MAGI2: variants seen among roughly 807,000 people sequenced by gnomAD.
MAGI2 encodes membrane associated guanylate kinase, WW and PDZ domain containing 2, also known as membrane-associated guanylate kinase, WW and PDZ domain-containing protein 2.
MAGI2 carries 35 observed loss-of-function variants against 133.3 expected under a neutral mutation model. The observed-to-expected ratio is 0.26, with a 90% confidence interval of 0.20 to 0.35. The LOEUF is 0.35. MAGI2 is among the 10% of genes least tolerant of loss of function. MAGI2 has a pLI of 1.00. For synonymous variants in MAGI2, 729 were observed against 710.6 expected (o/e 1.03, Z -0.41); for missense variants, 1,636 against 1,863.4 (o/e 0.88, Z 2.25).
At chr7:78,576,841 G>A (rs778839288) in intron 3 of MAGI2, among the ~76,000 whole-genome samples, 1 of 152,178 alleles carries the variant, frequency 6.6e-6, no homozygotes, top group Admixed American at 6.5e-5. Context: ...GCTCATGCCT[G>A]TAATCCTAGC....
chr7:78,597,016 G>C (rs776701966), intron 3 of MAGI2, among the ~76,000 whole-genome samples: 12 of 152,146 alleles, frequency 7.9e-5, no homozygotes, highest in Non-Finnish European at 1.0e-4. Context: ...CCCACGTTTG[G>C]AAGTGGGGAA....
intron 1 of MAGI2, among the ~76,000 whole-genome samples, chr7:79,224,148 A>G (rs1462997198): frequency 6.6e-6 from 1 of 151,720 alleles, no homozygotes; most frequent in Non-Finnish European, 1.5e-5. Context: ...GACTAATAAT[A>G]GAATCCTAAA....
intron 2 of MAGI2, among the ~76,000 whole-genome samples, chr7:78,895,096 T>C (rs1214602781): frequency 6.6e-6 from 1 of 151,950 alleles, no homozygotes; most frequent in Non-Finnish European, 1.5e-5. Context: ...GATTAATGGG[T>C]TAATGAATTA....
At chr7:78,770,258 T>C (rs1825446169) in intron 2 of MAGI2, among the ~76,000 whole-genome samples, 1 of 152,246 alleles carries the variant, frequency 6.6e-6, no homozygotes, top group Non-Finnish European at 1.5e-5. Flanking sequence ...TTATAACACA[T>C]TGTATTTTTT....
chr7:78,596,473 A>T (rs1050525276), intron 3 of MAGI2, among the ~76,000 whole-genome samples: 12 of 152,178 alleles, frequency 7.9e-5, no homozygotes, highest in African/African-American at 2.9e-4. Context: ...GCTTTCAAGG[A>T]TGTGGGCTAT....
intron 4 of MAGI2, chr7:78,518,621 G>T: frequency 6.6e-6 from 1 of 152,188 alleles, no homozygotes; most frequent in South Asian, 2.1e-4. Context: ...CTCCAAATGT[G>T]CCTCATTGAT....
chr7:78,019,548 G>T lies in MAGI2; in HGVS notation c.4135C>A (p.Arg1379=), dbSNP rs1456288945. Residue 1379 remains arginine, a synonymous_variant, in exon 22 of 22, where the codon CGG becomes AGG. Transcript: ENST00000354212. ...GGCGCAGCCCCCGGGCCTTCGCGCC[G>T]GCAGAGCTCGGAGCCCGCCGCCGCA... ...PRAAAGSELC[R]REGPGAAPAF... is the part of the protein sequence containing the mutation. 3 of 979,990 alleles carry T rather than the reference G, an allele frequency of 3.1e-6. No individual in the cohort carries two copies. Among genetic ancestry groups the T allele is most frequent in the African/African-American group, 1.8e-5 (1 of 56,412 alleles). The allele number at this position is 979,990 out of a possible 1,614,324, so 60.7% of individuals were successfully genotyped here.
At chr7:78,504,116 G>A (rs956152035) in intron 4 of MAGI2, among the ~76,000 whole-genome samples, 2 of 152,118 alleles carry the variant, frequency 1.3e-5, no homozygotes, top group African/African-American at 2.4e-5. Context: ...TAAGACCATG[G>A]GTTTTAGACT....
chr7:78,096,731 T>C (rs1453760691), intron 20 of MAGI2, among the ~76,000 whole-genome samples: 1 of 152,134 alleles, frequency 6.6e-6, no homozygotes, highest in East Asian at 1.9e-4. Context: ...AGTTGAGTAG[T>C]TACATGAGAG....
chr7:79,186,790 A>AGT (rs1827211091), intron 1 of MAGI2, among the ~76,000 whole-genome samples: 1 of 56,262 alleles, frequency 1.8e-5, no homozygotes, highest in East Asian at 4.4e-4. Context: ...CACACACAAA[A>AGT]GTATATATAT....
intron 1 of MAGI2, among the ~76,000 whole-genome samples, chr7:79,187,691 C>T (rs149517264): frequency 6.6e-4 from 100 of 151,754 alleles, no homozygotes; most frequent in East Asian, 3.9e-3. Flanking sequence ...AAAAATTTTA[C>T]GGATTTATGG....
intron 21 of MAGI2, among the ~76,000 whole-genome samples, chr7:78,060,985 G>A (rs777489233): frequency 6.6e-6 from 1 of 151,928 alleles, no homozygotes; most frequent in South Asian, 2.1e-4. Flanking sequence ...GGCCAACATG[G>A]TGAAACCCTG....
intron 1 of MAGI2, among the ~76,000 whole-genome samples, chr7:79,332,907 T>C (rs1355019116): frequency 1.3e-5 from 2 of 152,184 alleles, no homozygotes; most frequent in African/African-American, 4.8e-5. Flanking sequence ...ATTGTCTTTC[T>C]CAGTGTTTGA....
chr7:78,493,728 G>A (rs1477578723), intron 5 of MAGI2, among the ~76,000 whole-genome samples: 3 of 152,074 alleles, frequency 2.0e-5, no homozygotes, highest in Non-Finnish European at 4.4e-5. Context: ...GTAATCAAGA[G>A]TCTGTTTCCC....
Position 78,761,619 on chromosome 7 carries a change from T to C in MAGI2, c.419-134380A>G, listed in dbSNP as rs536987062. 5.3e-5 allele frequency among the ~76,000 whole-genome samples: 8 copies of C among 152,066 alleles called. 1 individual carries two copies. In the South Asian group the frequency reaches 1.7e-3, roughly 32 times the overall value. On this transcript the variant is annotated intron_variant, in intron 2 of 21. Coordinates refer to ENST00000354212, the MANE Select transcript of MAGI2 (RefSeq NM_012301.4). The stretch of plus-strand genomic sequence containing the variant: ...TAGCTGAGATTACAGGAGCCCATCA[T>C]CATACCTGGCTAATTTTTAGTAAAG...
chr7:78,652,439 A>G (rs1811681862), intron 2 of MAGI2, among the ~76,000 whole-genome samples: 1 of 152,178 alleles, frequency 6.6e-6, no homozygotes. Flanking sequence ...ATACAGACAA[A>G]TGGAACAGAA....
intron 3 of MAGI2, among the ~76,000 whole-genome samples, chr7:78,588,439 A>G (rs1280333060): frequency 6.6e-6 from 1 of 152,178 alleles, no homozygotes; most frequent in Non-Finnish European, 1.5e-5. Flanking sequence ...GGAGGGGTAG[A>G]TGGCTGTTCA....
intron 2 of MAGI2, among the ~76,000 whole-genome samples, chr7:78,943,437 C>T (rs374850637): frequency 9.4e-4 from 143 of 152,126 alleles, no homozygotes; most frequent in African/African-American, 3.3e-3. Flanking sequence ...CCTAAGGATG[C>T]GGTACTAATT....
chr7:78,694,703 T>C (rs1817320685), intron 2 of MAGI2, among the ~76,000 whole-genome samples: 1 of 152,170 alleles, frequency 6.6e-6, no homozygotes, highest in Non-Finnish European at 1.5e-5. Context: ...ATCCCAGATT[T>C]GTCATTTACT....
Sources: allele counts gnomAD v4.1 joint callset (sites outside exome capture counted in the v4.1 genomes callset), GRCh38; gene constraint gnomAD v4.1.1; transcripts MANE v1.5; gene names NCBI Gene and HGNC (gene_info 2026-07-23, HGNC 2026-07-21).